Variants in LPAR1 observed in about 807,000 individuals in gnomAD.
LPAR1 encodes LPA receptor 1.
In LPAR1, 5 loss-of-function variants were observed where a neutral mutation model predicts 23.8. That is an observed-to-expected ratio of 0.21 (90% CI 0.11 to 0.44). The LOEUF is 0.44. LPAR1 is among the 20% of genes least tolerant of loss of function. LPAR1 has a pLI of 0.99. For synonymous variants in LPAR1, 160 were observed against 164.7 expected, an observed-to-expected ratio of 0.97 and a Z score of 0.22; for missense variants, 311 against 482.8, an observed-to-expected ratio of 0.64 and a Z score of 3.33.
At chr9:111,016,490 C>T (rs908350179) in intron 2 of LPAR1, among the ~76,000 whole-genome samples, 1 of 152,144 alleles carries the variant, frequency 6.6e-6, no homozygotes, top group Non-Finnish European at 1.5e-5. Context: ...CCAAAGGCAT[C>T]AACTGTCAGA....
intron 5 of LPAR1, among the ~76,000 whole-genome samples, chr9:110,881,078 A>G (rs910437631): frequency 1.3e-5 from 2 of 152,126 alleles, no homozygotes; most frequent in African/African-American, 4.8e-5. Context: ...AATAACCCAG[A>G]TTAATTAAAA....
chr9:110,942,924 A>T (rs12552348), intron 4 of LPAR1, among the ~76,000 whole-genome samples: 28,456 of 151,956 alleles, frequency 0.19, 2,849 homozygotes, highest in South Asian at 0.29. Flanking sequence ...TAGATGCAGC[A>T]TATTTTTTAA....
intron 5 of LPAR1, among the ~76,000 whole-genome samples, chr9:110,887,344 A>G (rs2082676221): frequency 6.6e-6 from 1 of 152,018 alleles, no homozygotes; most frequent in Admixed American, 6.5e-5. Context: ...AAAAATGTTT[A>G]TATTTATATA....
At chr9:110,974,149 A>C (rs1172889398) in intron 2 of LPAR1, among the ~76,000 whole-genome samples, 1 of 100,456 alleles carries the variant, frequency 1.0e-5, no homozygotes, top group Non-Finnish European at 2.1e-5. Context: ...ACAGAGCAAG[A>C]CTCCGTCTCA....
At chr9:111,029,554 C>T (rs770887156) in intron 2 of LPAR1, among the ~76,000 whole-genome samples, 1 of 152,180 alleles carries the variant, frequency 6.6e-6, no homozygotes, top group South Asian at 2.1e-4. Context: ...ACCATTGAGG[C>T]TGGCATCCTG....
At chr9:110,934,564 A>AT (rs1588412908) in intron 5 of LPAR1, 1 of 151,984 alleles carries the variant, frequency 6.6e-6, no homozygotes, top group East Asian at 1.9e-4. Flanking sequence ...ATAGTCCCTT[A>AT]TTTTTGTCCC....
At chr9:110,934,583 T>C (rs905548936) in intron 5 of LPAR1, 1 of 152,132 alleles carries the variant, frequency 6.6e-6, no homozygotes, top group African/African-American at 2.4e-5. Context: ...CCAGTCCCCT[T>C]TCAAGTTTTC....
chr9:110,880,086 T>C (rs2080302958), intron 5 of LPAR1, among the ~76,000 whole-genome samples: 1 of 152,220 alleles, frequency 6.6e-6, no homozygotes, highest in South Asian at 2.1e-4. Flanking sequence ...CACAGCACGC[T>C]GAACAAAAGT....
At chr9:110,994,506 TTTGTGAGAAAAACAGAGTATTTGAA>T (rs2096957427) in intron 2 of LPAR1, among the ~76,000 whole-genome samples, 1 of 152,166 alleles carries the variant, frequency 6.6e-6, no homozygotes, top group Non-Finnish European at 1.5e-5. Context: ...AATGTGCTTG[TTTGTGAGAAAAACAGAGTATTTGAA>T]GATGTTAGCG....
rs139339987 is a variant in LPAR1 at position 110,899,219 on chromosome 9, T to C, written c.794-23497A>G. ...ATCATTAGGAAGCTTCAATTTACTATGAAATTTCTAGGTATTTGAAATGGC... is the reference window on the plus strand; with the variant it reads ...ATCATTAGGAAGCTTCAATTTACTACGAAATTTCTAGGTATTTGAAATGGC... On this transcript the variant is annotated intron_variant, in intron 5 of 5. Transcript: ENST00000683809. Among the ~76,000 whole-genome samples the C allele has an allele frequency of 1.5e-4, 23 of 152,348 alleles. No individual in the cohort carries two copies. The East Asian group carries it at 4.2e-3, about 28-fold the overall frequency.
rs776011848 is a variant in LPAR1, at chr9:110,974,289, ATAATAG to A, written c.-181-737_-181-732del. 2.0e-4 allele frequency among the ~76,000 whole-genome samples: 31 copies of A among 152,350 alleles called. No homozygotes were observed. In the South Asian group the frequency reaches 3.5e-3, roughly 17 times the overall value. On this transcript the variant is annotated intron_variant, in intron 2 of 5. Coordinates refer to ENST00000683809, the MANE Select transcript of LPAR1 (RefSeq NM_001351411.2). Reference sequence around the variant, plus strand: ...AAACTATTGGGAAATGATACTTTTCATAATAGTAAAAGTAATGAACCAGATGTCACA... The same window carrying A: ...AAACTATTGGGAAATGATACTTTTCATAAAAGTAATGAACCAGATGTCACA...
chr9:110,911,658 T>A (rs1296754819), intron 5 of LPAR1, among the ~76,000 whole-genome samples: 2 of 152,238 alleles, frequency 1.3e-5, no homozygotes, highest in Non-Finnish European at 2.9e-5. Context: ...AGATGACTGT[T>A]AGCATTTTTA....
rs549953029 is a variant in LPAR1 at position 110,898,602 on chromosome 9, AT to A, written c.794-22881del. On this transcript the variant is annotated intron_variant, in intron 5 of 5. Transcript: ENST00000683809. ...CGGGTTTACAGCACACGTTCACGAG[AT>A]GAAGACAGCTATGTTTAAAAGCAAG... 2.3e-4 allele frequency among the ~76,000 whole-genome samples: 35 copies of A among 152,302 alleles called. No individual in the cohort carries two copies. In the East Asian group the frequency reaches 6.2e-3, roughly 27 times the overall value.
chr9:110,993,128 AT>A (rs200819808), intron 2 of LPAR1, among the ~76,000 whole-genome samples: 56 of 151,752 alleles, frequency 3.7e-4, no homozygotes, highest in Admixed American at 7.2e-4. Flanking sequence ...CCACAAACTA[AT>A]TTTTTTTTAA....
chr9:110,922,824 A>ATATGATTAT (rs1554786502), intron 5 of LPAR1, among the ~76,000 whole-genome samples: 1 of 142,242 alleles, frequency 7.0e-6, no homozygotes, highest in African/African-American at 2.6e-5. Flanking sequence ...TCTTATTATT[A>ATATGATTAT]TATTATTATT....
chr9:111,022,495 G>A (rs781604503), intron 2 of LPAR1, among the ~76,000 whole-genome samples: 2 of 151,532 alleles, frequency 1.3e-5, no homozygotes, highest in South Asian at 2.1e-4. Flanking sequence ...TCCTACCAAG[G>A]TAAAAAAAAC....
At chr9:110,969,956 T>C (rs901164938) in intron 4 of LPAR1, among the ~76,000 whole-genome samples, 2 of 152,196 alleles carry the variant, frequency 1.3e-5, no homozygotes, top group African/African-American at 4.8e-5. Context: ...ATAATTTTAA[T>C]AGATACTGTT....
chr9:111,012,249 TCAAA>T lies in LPAR1; in HGVS notation c.-182+23869_-182+23872del, dbSNP rs375456724. On this transcript the variant is annotated intron_variant, in intron 2 of 5. Transcript: ENST00000683809. ...CTGGACAATAGAGCAAAACCCTGTC[TCAAA>T]CAAACAAACAAACAAACAAAAAATG... Among the ~76,000 whole-genome samples, 791 of 152,084 alleles carry T rather than the reference TCAAA, an allele frequency of 5.2e-3. 8 individuals are homozygous for T. The highest frequency in any genetic ancestry group is 0.018 in the African/African-American group (741 of 41,496).
intron 2 of LPAR1, among the ~76,000 whole-genome samples, chr9:111,008,230 AT>A (rs1211083489): frequency 6.6e-6 from 1 of 152,174 alleles, no homozygotes; most frequent in Non-Finnish European, 1.5e-5. Context: ...ATGTCCTGCT[AT>A]TTTAAAAGTC....
Sources: allele counts gnomAD v4.1 joint callset (sites outside exome capture counted in the v4.1 genomes callset), GRCh38; gene constraint gnomAD v4.1.1; transcripts MANE v1.5; gene names NCBI Gene and HGNC (gene_info 2026-07-23, HGNC 2026-07-21).